CEPT1: variants seen among roughly 807,000 people sequenced by gnomAD.
The protein encoded by CEPT1 is choline/ethanolamine phosphotransferase 1.
CEPT1 carries 7 observed loss-of-function variants against 42.6 expected under a neutral mutation model. The ratio of observed to expected loss-of-function variants is 0.16; its 90% CI spans 0.09 to 0.31. The LOEUF (loss-of-function observed/expected upper bound fraction) is 0.31, where lower values mean the gene tolerates loss of function less well. Among genes scored for constraint, CEPT1 ranks in the 10% least tolerant of loss-of-function variants. The pLI, the probability that CEPT1 is intolerant of heterozygous loss-of-function variation, is 1.00. For missense variants in CEPT1, 306 were observed against 502.1 expected (o/e 0.61, Z 3.73); for synonymous variants, 171 against 171.9 (o/e 0.99, Z 0.04).
At chr1:111,148,163 T>G in intron 2 of CEPT1, 110 bp downstream of exon 2, 1 of 791,818 alleles carries the variant, frequency 1.3e-6, no homozygotes, top group Admixed American at 2.4e-5. Flanking sequence ...CTGTCAACTA[T>G]TTTAAAATAT....
At chr1:111,141,359 A>G (rs1022185980) in intron 1 of CEPT1, among the ~76,000 whole-genome samples, 1 of 152,252 alleles carries the variant, frequency 6.6e-6, no homozygotes, top group African/African-American at 2.4e-5. Flanking sequence ...GAGAAAAACT[A>G]GTTAAGGCCC....
At position 111,165,094 on chromosome 1, in the gene CEPT1, G is replaced by T. The variant is rs1314655629; in HGVS notation, c.629+3798G>T. Among the ~76,000 whole-genome samples the T allele has an allele frequency of 2.3e-5, 3 of 128,166 alleles. No homozygotes were observed. In the Admixed American group the frequency reaches 2.9e-4, roughly 12 times the overall value. 84.1% of individuals were successfully genotyped at this position (128,166 alleles called of 152,430 possible). On this transcript the variant is annotated intron_variant, in intron 4 of 8. Transcript: ENST00000357172. ...AGACGGAGTCTCACTGTGTCGCCCA[G>T]GCTAGAGTGCAGTGGTGCGATCTCG...
At chr1:111,148,524 G>A (rs1015399946) in intron 2 of CEPT1, among the ~76,000 whole-genome samples, 11 of 152,028 alleles carry the variant, frequency 7.2e-5, no homozygotes, top group African/African-American at 2.7e-4. Context: ...TGAAGACTTC[G>A]GGTATATGGC....
intron 4 of CEPT1, chr1:111,166,972 A>G (rs192522302): frequency 5.4e-6 from 1 of 185,584 alleles, no homozygotes; most frequent in Admixed American, 6.5e-5. Context: ...TATAAATTGT[A>G]TCATTCCATC....
intron 4 of CEPT1, among the ~76,000 whole-genome samples, chr1:111,166,659 G>A (rs1230270164): frequency 1.3e-5 from 2 of 152,148 alleles, no homozygotes; most frequent in Non-Finnish European, 2.9e-5. Flanking sequence ...GGACAGGGAA[G>A]GAGCGTAAGA....
intron 5 of CEPT1, among the ~76,000 whole-genome samples, chr1:111,175,609 T>A (rs1246294673): frequency 6.6e-6 from 1 of 152,194 alleles, no homozygotes; most frequent in Non-Finnish European, 1.5e-5. Context: ...GTTGCGTAAC[T>A]CTCTCTGGCT....
At chr1:111,169,731 A>G (rs1006709634) in intron 4 of CEPT1, among the ~76,000 whole-genome samples, 1 of 152,202 alleles carries the variant, frequency 6.6e-6, no homozygotes, top group African/African-American at 2.4e-5. Flanking sequence ...TTCAGAAAGA[A>G]TTGTCCTTAA....
intron 2 of CEPT1, among the ~76,000 whole-genome samples, chr1:111,151,052 C>T (rs1000573719): frequency 2.0e-5 from 3 of 151,994 alleles, no homozygotes; most frequent in Non-Finnish European, 4.4e-5. Context: ...GTGACTATGG[C>T]CTGTGACACA....
At chr1:111,150,243 G>A (rs79882020) in intron 2 of CEPT1, among the ~76,000 whole-genome samples, 3,535 of 152,286 alleles carry the variant, frequency 0.023, 143 homozygotes, top group African/African-American at 0.08. Flanking sequence ...AGTAAGATAA[G>A]TAAATTTTCT....
intron 1 of CEPT1, among the ~76,000 whole-genome samples, chr1:111,143,330 T>TCCTCTGAGCTTCA (rs1181347976): frequency 4.6e-5 from 7 of 152,348 alleles, no homozygotes; most frequent in African/African-American, 1.4e-4. Context: ...GAGCTTGGTA[T>TCCTCTGAGCTTCA]AGAAGCTACT....
At chr1:111,170,711 A>G (rs1398712412) in intron 4 of CEPT1, among the ~76,000 whole-genome samples, 5 of 152,176 alleles carry the variant, frequency 3.3e-5, no homozygotes, top group Non-Finnish European at 5.9e-5. Flanking sequence ...AAATCCCTTT[A>G]CAGATAATTA....
intron 2 of CEPT1, among the ~76,000 whole-genome samples, chr1:111,149,266 C>CTTTTTTTTTTTTTTT (rs775722606): frequency 0.018 from 2,325 of 127,114 alleles, 194 homozygotes; most frequent in African/African-American, 0.061. Context: ...GGTTTCTCCT[C>CTTTTTTTTTTTTTTT]TTTTTTTTTT....
rs577637961 is a variant in CEPT1, at chr1:111,178,288, C to G, written c.714+3325C>G. 12 of 152,204 alleles carry G rather than the reference C, an allele frequency of 7.9e-5. No homozygotes were observed. The East Asian group carries it at 2.3e-3, about 29-fold the overall frequency. The allele number at this position is 152,204 out of a possible 1,614,324, so 9.4% of individuals were successfully genotyped here. A position where few individuals can be genotyped will look rare whatever the true frequency, so the allele number is the denominator to read the frequency against. ...TTAGAAAGCAAGTTTATGGTCAGAA[C>G]AAATAAAAACAGTGCAGATGTCTTC... On this transcript the variant is annotated intron_variant, in intron 5 of 8. Transcript: ENST00000357172.
At chr1:111,169,850 T>C (rs1221482080) in intron 4 of CEPT1, among the ~76,000 whole-genome samples, 1 of 152,218 alleles carries the variant, frequency 6.6e-6, no homozygotes, top group Non-Finnish European at 1.5e-5. Flanking sequence ...ACAAAGAGTT[T>C]TAGCACTACA....
intron 4 of CEPT1, among the ~76,000 whole-genome samples, chr1:111,165,782 T>C (rs1173886790): frequency 6.6e-6 from 1 of 152,238 alleles, no homozygotes; most frequent in Non-Finnish European, 1.5e-5. Context: ...TTTATTTCTA[T>C]GTAAGTAAGT....
chr1:111,184,617 G>GT lies in CEPT1; in HGVS notation c.*308dup, dbSNP rs1557945584. On this transcript the variant is annotated 3_prime_UTR_variant, in exon 9 of 9. Transcript: ENST00000357172. ...GTGATGGGGAGCCAGATCCGCAGTG[G>GT]TGGAGAGTTCTAATGTTGACTGTTT... 1.0e-5 allele frequency: 2 copies of GT among 195,632 alleles called. No homozygotes were observed. Among genetic ancestry groups the GT allele is most frequent in the Non-Finnish European group, 2.1e-5 (2 of 95,518 alleles). 12.1% of individuals were successfully genotyped at this position (195,632 alleles called of 1,614,324 possible). A position where few individuals can be genotyped will look rare whatever the true frequency, so the allele number is the denominator to read the frequency against.
chr1:111,163,761 T>A (rs1655992961), intron 4 of CEPT1, among the ~76,000 whole-genome samples: 1 of 151,558 alleles, frequency 6.6e-6, no homozygotes, highest in Non-Finnish European at 1.5e-5. Flanking sequence ...CTTATTGCAG[T>A]TTGTATGCAT....
At chr1:111,175,487 TC>T (rs1208444746) in intron 5 of CEPT1, among the ~76,000 whole-genome samples, 1 of 152,184 alleles carries the variant, frequency 6.6e-6, no homozygotes, top group Non-Finnish European at 1.5e-5. Flanking sequence ...CAGATTCTTT[TC>T]CACAAACCTC....
chr1:111,152,923 T>A (rs1320326809), intron 2 of CEPT1, among the ~76,000 whole-genome samples: 1 of 152,208 alleles, frequency 6.6e-6, no homozygotes, highest in East Asian at 1.9e-4. Context: ...TGTATAATGA[T>A]CAGATCAGGG....
Sources: allele counts gnomAD v4.1 joint callset (sites outside exome capture counted in the v4.1 genomes callset), GRCh38; gene constraint gnomAD v4.1.1; transcripts MANE v1.5; gene names NCBI Gene and HGNC (gene_info 2026-07-23, HGNC 2026-07-21).